Variants in DENND4C observed in about 807,000 individuals in gnomAD.
The protein encoded by DENND4C is DENN domain-containing protein 4C.
Under a neutral mutation model 203.0 loss-of-function variants are expected in DENND4C, and 108 were observed. The ratio of observed to expected loss-of-function variants is 0.53; its 90% CI spans 0.46 to 0.62. The LOEUF (loss-of-function observed/expected upper bound fraction) is 0.62, where lower values mean the gene tolerates loss of function less well. Ranked by LOEUF, DENND4C falls within the 20% of genes least tolerant of loss-of-function variation. The pLI, the probability that DENND4C is intolerant of heterozygous loss-of-function variation, is 0.00. For missense variants in DENND4C, 2,481 were observed against 2,301.2 expected, an observed-to-expected ratio of 1.08 and a Z score of -1.60; for synonymous variants, 871 against 792.4, an observed-to-expected ratio of 1.10 and a Z score of -1.67.
At chr9:19,289,543 T>C (rs564675208) in intron 4 of DENND4C, among the ~76,000 whole-genome samples, 1 of 152,286 alleles carries the variant, frequency 6.6e-6, no homozygotes, top group Admixed American at 6.5e-5. Flanking sequence ...AATCTGATAC[T>C]GTAGGCTGGG....
At chr9:19,367,141 G>A (rs1255300251) in intron 30 of DENND4C, among the ~76,000 whole-genome samples, 1 of 152,046 alleles carries the variant, frequency 6.6e-6, no homozygotes, top group African/African-American at 2.4e-5. Flanking sequence ...AAACCACAAG[G>A]AAATAACACT....
intron 1 of DENND4C, among the ~76,000 whole-genome samples, chr9:19,238,165 C>T (rs1822510977): frequency 6.6e-6 from 1 of 151,618 alleles, no homozygotes; most frequent in South Asian, 2.1e-4. Context: ...TCACCGCAAC[C>T]TGTGCCTCCT....
At chr9:19,312,350 A>G (rs1000878064) in intron 10 of DENND4C, among the ~76,000 whole-genome samples, 5 of 152,116 alleles carry the variant, frequency 3.3e-5, no homozygotes, top group African/African-American at 9.7e-5. Flanking sequence ...TGATATGCCT[A>G]TATCAGCCTC....
chr9:19,244,206 T>A (rs1157207327), intron 1 of DENND4C, among the ~76,000 whole-genome samples: 1 of 152,074 alleles, frequency 6.6e-6, no homozygotes, highest in Non-Finnish European at 1.5e-5. Flanking sequence ...AAATTTTGTA[T>A]TTTGAGTAGA....
At chr9:19,273,544 A>T (rs1832218934) in intron 1 of DENND4C, among the ~76,000 whole-genome samples, 1 of 152,058 alleles carries the variant, frequency 6.6e-6, no homozygotes, top group Admixed American at 6.6e-5. Flanking sequence ...TGTCTGATAG[A>T]TGACTTGTCT....
chr9:19,359,108 G>A (rs1174069341), intron 28 of DENND4C, among the ~76,000 whole-genome samples: 1 of 151,734 alleles, frequency 6.6e-6, no homozygotes, highest in Non-Finnish European at 1.5e-5. Context: ...GGAAAGGCAG[G>A]TTAAATGCTT....
chr9:19,365,682 CAT>C (rs1270334836), intron 30 of DENND4C, among the ~76,000 whole-genome samples: 2 of 113,700 alleles, frequency 1.8e-5, no homozygotes, highest in African/African-American at 5.7e-5. Flanking sequence ...ACACACCTAA[CAT>C]ATTATTATAC....
chr9:19,326,149 C>T lies in DENND4C; in HGVS notation c.2075C>T (p.Pro692Leu). 6.2e-7 allele frequency: 1 copy of T among 1,613,386 alleles called. No individual in the cohort carries two copies. The highest frequency in any genetic ancestry group is 8.5e-7 in the Non-Finnish European group (1 of 1,179,692). Reference sequence around the variant, plus strand: ...GAGCATACTGTATTTATAATGCCGCCAGAGCCACCTCCTGATGATGGAAAG... The same window carrying T: ...GAGCATACTGTATTTATAATGCCGCTAGAGCCACCTCCTGATGATGGAAAG... The part of the protein sequence containing the change: ...KSEHTVFIMP[P>L]EPPPDDGKDL... Residue 692 changes from proline (P) to leucine (L), a missense_variant, in exon 15 of 33, where the codon CCA becomes CTA. Transcript: ENST00000434457.
At position 19,346,587 on chromosome 9, in the gene DENND4C, T is replaced by G; in HGVS notation, c.3818T>G (p.Phe1273Cys). 6.2e-7 allele frequency: 1 copy of G among 1,614,184 alleles called. No homozygotes were observed. Among genetic ancestry groups the G allele is most frequent in the Non-Finnish European group, 8.5e-7 (1 of 1,180,036 alleles). Residue 1273 changes from phenylalanine (F) to cysteine (C), a missense_variant, in exon 23 of 33, where the codon TTT becomes TGT. Around this residue, in one of 3 missense-constraint regions of DENND4C, gnomAD observed 2,289 missense variants for 2,113.3 expected, o/e 1.08. Transcript: ENST00000434457. ...GKTPDSEDKL[F>C]SPVIARNLAD... ...ACTCCTGATTCTGAAGATAAGTTGT[T>G]TTCTCCAGTTATTGCACGTAATCTG...
intron 1 of DENND4C, among the ~76,000 whole-genome samples, chr9:19,234,878 A>G (rs764489589): frequency 6.6e-6 from 1 of 150,984 alleles, no homozygotes; most frequent in Non-Finnish European, 1.5e-5. Flanking sequence ...CTATAATGAA[A>G]TTATTTTGCT....
intron 1 of DENND4C, among the ~76,000 whole-genome samples, chr9:19,275,617 C>T (rs1832747710): frequency 6.6e-6 from 1 of 151,948 alleles, no homozygotes; most frequent in Non-Finnish European, 1.5e-5. Flanking sequence ...ATTATAGGCG[C>T]CCCCCACCAG....
chr9:19,351,262 G>A (rs936172318), intron 24 of DENND4C, among the ~76,000 whole-genome samples: 9 of 152,038 alleles, frequency 5.9e-5, no homozygotes, highest in African/African-American at 2.2e-4. Flanking sequence ...CTCAAACTTT[G>A]GCATGCATCA....
Position 19,269,449 on chromosome 9 carries a change from G to A in DENND4C, c.-17-6709G>A, listed in dbSNP as rs181341963. On this transcript the variant is annotated intron_variant, in intron 1 of 32. Coordinates refer to ENST00000434457, the MANE Select transcript of DENND4C (RefSeq NM_001330640.2). ...GCTGGGATTACAGGCCTGAGCCACCGTGTCCGGCCCCTTGACTGTGTTTTC... is the reference window on the plus strand; with the variant it reads ...GCTGGGATTACAGGCCTGAGCCACCATGTCCGGCCCCTTGACTGTGTTTTC... Among the ~76,000 whole-genome samples, 22 of 152,280 alleles carry A rather than the reference G, an allele frequency of 1.4e-4. No individual in the cohort carries two copies. The East Asian group carries it at 3.7e-3, about 25-fold the overall frequency.
chr9:19,333,731 T>A (rs1190974918), intron 17 of DENND4C, among the ~76,000 whole-genome samples: 1 of 152,220 alleles, frequency 6.6e-6, no homozygotes, highest in African/African-American at 2.4e-5. Context: ...TAGATACTGA[T>A]ATTATCCAGC....
At chr9:19,254,179 G>T (rs1564089434) in intron 1 of DENND4C, among the ~76,000 whole-genome samples, 1 of 152,122 alleles carries the variant, frequency 6.6e-6, no homozygotes, top group Non-Finnish European at 1.5e-5. Context: ...CAATATGGAG[G>T]TTCTTCTCAA....
At chr9:19,296,763 T>C (rs1225097942) in intron 6 of DENND4C, among the ~76,000 whole-genome samples, 2 of 152,222 alleles carry the variant, frequency 1.3e-5, no homozygotes, top group East Asian at 1.9e-4. Flanking sequence ...GTAACTCTTA[T>C]AAATTATATT....
rs188433063 is a variant in DENND4C, at chr9:19,334,168, C to T, written c.2461-809C>T. 4.0e-3 allele frequency among the ~76,000 whole-genome samples: 611 copies of T among 152,300 alleles called. 2 individuals are homozygous for T. Among genetic ancestry groups the T allele is most frequent in the Non-Finnish European group, 7.3e-3 (494 of 68,032 alleles). ...CCAGCAATTCTACTGCCTCACTCTC[C>T]CAAAGTAGCTGGGACTACAAGTGCG... On this transcript the variant is annotated intron_variant, in intron 17 of 32. Transcript: ENST00000434457.
At chr9:19,236,882 T>C (rs1000606140) in intron 1 of DENND4C, among the ~76,000 whole-genome samples, 4 of 152,260 alleles carry the variant, frequency 2.6e-5, no homozygotes, top group African/African-American at 9.6e-5. Flanking sequence ...AGATCATTTC[T>C]GGTCCCCAGT....
intron 2 of DENND4C, among the ~76,000 whole-genome samples, chr9:19,280,790 C>T (rs1377675264): frequency 6.6e-6 from 1 of 151,784 alleles, no homozygotes; most frequent in Non-Finnish European, 1.5e-5. Flanking sequence ...GCTCAGGCTG[C>T]AGTGCAATGG....
Sources: allele counts gnomAD v4.1 joint callset (sites outside exome capture counted in the v4.1 genomes callset), GRCh38; gene constraint gnomAD v4.1.1; regional missense constraint gnomAD v4.1.1; transcripts MANE v1.5; gene names NCBI Gene and HGNC (gene_info 2026-07-23, HGNC 2026-07-21).